ULK4: variants seen among roughly 807,000 people sequenced by gnomAD.
ULK4 encodes inactive serine/threonine-protein kinase ULK4.
A neutral mutation model predicts 160.6 loss-of-function variants in ULK4; 133 were observed. The ratio of observed to expected loss-of-function variants is 0.83; its 90% CI spans 0.72 to 0.96. The LOEUF is 0.96. Ranked by LOEUF, ULK4 falls within the 40% of genes least tolerant of loss-of-function variation. The probability of loss-of-function intolerance (pLI) is 0.00; values close to 1 mark genes in which losing one functional copy is unlikely to be tolerated. For missense variants in ULK4, 1,580 were observed against 1,499.5 expected, an observed-to-expected ratio of 1.05 and a Z score of -0.89; for synonymous variants, 534 against 539.8, an observed-to-expected ratio of 0.99 and a Z score of 0.15.
chr3:41,803,570 G>A (rs928533383), intron 19 of ULK4, among the ~76,000 whole-genome samples: 1 of 152,008 alleles, frequency 6.6e-6, no homozygotes, highest in Non-Finnish European at 1.5e-5. Flanking sequence ...GTGCCATGCT[G>A]GTGTGCTGCA....
At position 41,801,772 on chromosome 3, in the gene ULK4, G is replaced by A. The variant is rs545178904; in HGVS notation, c.1849-1479C>T. Among the ~76,000 whole-genome samples the A allele has an allele frequency of 2.0e-5, 3 of 152,040 alleles. No homozygotes were observed. The South Asian group carries it at 6.3e-4, about 32-fold the overall frequency. On this transcript the variant is annotated intron_variant, in intron 19 of 36. Coordinates refer to ENST00000301831, the MANE Select transcript of ULK4 (RefSeq NM_017886.4). ...AGGCTGAGGTGGGAGGATCACTTGAGCATAGGAGTTGGAGGTTGCAGTGAG... is the reference window on the plus strand; with the variant it reads ...AGGCTGAGGTGGGAGGATCACTTGAACATAGGAGTTGGAGGTTGCAGTGAG...
In ULK4 at chr3:41,615,779, C is replaced by G. The variant is rs567706661; in HGVS notation, c.3072-62G>C. On this transcript the variant is annotated intron_variant, in intron 30 of 36. Coordinates refer to ENST00000301831, the MANE Select transcript of ULK4 (RefSeq NM_017886.4). ...GACAATTCATATTTGCACTGATGGC[C>G]TGATATAAAGCACCTCAGCCCCCAT... The G allele has an allele frequency of 4.3e-5, 64 of 1,478,564 alleles. No individual in the cohort carries two copies. In the African/African-American group the frequency reaches 8.1e-4, roughly 19 times the overall value. 91.6% of individuals were successfully genotyped at this position (1,478,564 alleles called of 1,614,324 possible). A position where few individuals can be genotyped will look rare whatever the true frequency, so the allele number is the denominator to read the frequency against.
At chr3:41,929,066 G>A (rs1012070208) in intron 5 of ULK4, among the ~76,000 whole-genome samples, 6 of 151,332 alleles carry the variant, frequency 4.0e-5, no homozygotes, top group African/African-American at 9.7e-5. Flanking sequence ...CAATATCCCC[G>A]ATAAACATCG....
At chr3:41,260,971 C>G (rs960043064) in intron 35 of ULK4, among the ~76,000 whole-genome samples, 5 of 152,170 alleles carry the variant, frequency 3.3e-5, no homozygotes, top group African/African-American at 1.2e-4. Flanking sequence ...ACAGTGATTC[C>G]TCAAGGTGAA....
rs560284136 is a variant in ULK4 at position 41,770,510 on chromosome 3, C to CTTT, written c.2194-16025_2194-16023dup. Among the ~76,000 whole-genome samples, 59 of 135,508 alleles carry CTTT rather than the reference C, an allele frequency of 4.4e-4. No homozygotes were observed. In the East Asian group the frequency reaches 6.5e-3, roughly 15 times the overall value. The allele number at this position is 135,508 out of a possible 152,430, so 88.9% of individuals were successfully genotyped here. A position where few individuals can be genotyped will look rare whatever the true frequency, so the allele number is the denominator to read the frequency against. On this transcript the variant is annotated intron_variant, in intron 21 of 36. Transcript: ENST00000301831. ...TATACATTGATTTTATAGAAAGATA[C>CTTT]TTTTTTTTTTTTTTTTTGAGACAGA... is the stretch of plus-strand genomic sequence containing the variant.
At chr3:41,501,781 C>T (rs1361352239) in intron 32 of ULK4, among the ~76,000 whole-genome samples, 100 of 152,044 alleles carry the variant, frequency 6.6e-4, no homozygotes, top group Non-Finnish European at 5.9e-5. Context: ...CTAACTGAAA[C>T]TTTGTGTGTT....
chr3:41,593,267 C>G (rs1177525832), intron 31 of ULK4, among the ~76,000 whole-genome samples: 2 of 152,308 alleles, frequency 1.3e-5, no homozygotes, highest in East Asian at 1.9e-4. Flanking sequence ...TGACAAATCA[C>G]TGAAAGACTT....
chr3:41,648,314 G>A (rs369977930), intron 30 of ULK4, among the ~76,000 whole-genome samples: 224 of 152,254 alleles, frequency 1.5e-3, no homozygotes, highest in African/African-American at 5.2e-3. Context: ...CTGTAGACCG[G>A]AGCTGTTCCT....
intron 31 of ULK4, among the ~76,000 whole-genome samples, chr3:41,595,755 A>G (rs1039440668): frequency 9.2e-5 from 14 of 152,222 alleles, no homozygotes; most frequent in Admixed American, 3.3e-4. Context: ...GGATTTGCCA[A>G]TGTGATAGTC....
At chr3:41,781,296 A>C (rs2039832360) in intron 21 of ULK4, among the ~76,000 whole-genome samples, 1 of 152,004 alleles carries the variant, frequency 6.6e-6, no homozygotes, top group Non-Finnish European at 1.5e-5. Context: ...GGGTGCCTGT[A>C]GTCCCAGCTA....
intron 34 of ULK4, among the ~76,000 whole-genome samples, chr3:41,430,353 T>G (rs973192889): frequency 2.6e-5 from 4 of 152,180 alleles, no homozygotes; most frequent in African/African-American, 9.7e-5. Context: ...GTTCATTTAT[T>G]CAGAGACTGA....
At chr3:41,875,618 C>A (rs1298867758) in intron 17 of ULK4, among the ~76,000 whole-genome samples, 1 of 151,788 alleles carries the variant, frequency 6.6e-6, no homozygotes, top group African/African-American at 2.4e-5. Context: ...GAGACTGCAT[C>A]TCAAAAATAA....
At chr3:41,772,447 C>T (rs1246204825) in intron 21 of ULK4, among the ~76,000 whole-genome samples, 26 of 151,574 alleles carry the variant, frequency 1.7e-4, no homozygotes, top group Middle Eastern at 3.4e-3. Flanking sequence ...AACACCTCTA[C>T]GCAAATAAAC....
intron 35 of ULK4, among the ~76,000 whole-genome samples, chr3:41,263,625 T>C (rs1306805379): frequency 6.6e-6 from 1 of 152,180 alleles, no homozygotes; most frequent in African/African-American, 2.4e-5. Context: ...AAAACATGCA[T>C]GGACCATGAC....
At chr3:41,644,200 A>T (rs999595417) in intron 30 of ULK4, among the ~76,000 whole-genome samples, 1 of 151,944 alleles carries the variant, frequency 6.6e-6, no homozygotes, top group Non-Finnish European at 1.5e-5. Flanking sequence ...CTCCTGCCTA[A>T]TTGTCCTGGC....
intron 19 of ULK4, among the ~76,000 whole-genome samples, chr3:41,803,483 T>A (rs9819489): frequency 0.055 from 8,405 of 151,894 alleles, 422 homozygotes; most frequent in East Asian, 0.16. Context: ...AGCTTTCTTT[T>A]TTATTATTAT....
intron 35 of ULK4, among the ~76,000 whole-genome samples, chr3:41,272,089 G>C (rs1470859503): frequency 1.3e-5 from 2 of 151,698 alleles, no homozygotes; most frequent in Non-Finnish European, 2.9e-5. Flanking sequence ...GCTAACTTTT[G>C]TATTTTTAGT....
In ULK4 at chr3:41,526,410, C is replaced by T. The variant is rs1253565160; in HGVS notation, c.3226+39615G>A. Among the ~76,000 whole-genome samples, 4 of 152,304 alleles carry T rather than the reference C, an allele frequency of 2.6e-5. No individual in the cohort carries two copies. In the East Asian group the frequency reaches 7.7e-4, roughly 29 times the overall value. ...AACACTCAAGAGACCCATGTGGCCA[C>T]AGCTAAGGCAATTCAGCCATAAGGT... On this transcript the variant is annotated intron_variant, in intron 32 of 36. Transcript: ENST00000301831.
At chr3:41,762,826 C>A (rs551809813) in intron 21 of ULK4, among the ~76,000 whole-genome samples, 1 of 152,098 alleles carries the variant, frequency 6.6e-6, no homozygotes, top group South Asian at 2.1e-4. Flanking sequence ...CCATATCCCA[C>A]TAATTTTTTT....
Sources: allele counts gnomAD v4.1 joint callset (sites outside exome capture counted in the v4.1 genomes callset), GRCh38; gene constraint gnomAD v4.1.1; transcripts MANE v1.5; gene names NCBI Gene and HGNC (gene_info 2026-07-23, HGNC 2026-07-21).